The following IGF2BP2 variants were observed in gnomAD, a reference collection of about 807,000 sequenced individuals.
The protein encoded by IGF2BP2 is insulin like growth factor 2 mRNA binding protein 2.
IGF2BP2 carries 17 observed loss-of-function variants against 75.8 expected under a neutral mutation model. The ratio of observed to expected loss-of-function variants is 0.22; its 90% CI spans 0.15 to 0.34. The LOEUF is 0.34. Ranked by LOEUF, IGF2BP2 falls within the 10% of genes least tolerant of loss-of-function variation. IGF2BP2 has a pLI of 1.00. For synonymous variants in IGF2BP2, 288 were observed against 295.6 expected, an observed-to-expected ratio of 0.97 and a Z score of 0.26; for missense variants, 516 against 772.4, an observed-to-expected ratio of 0.67 and a Z score of 3.93.
chr3:185,718,054 T>C (rs1250840538), intron 2 of IGF2BP2: 2 of 152,212 alleles, frequency 1.3e-5, no homozygotes, highest in African/African-American at 4.8e-5. Context: ...TGAACCGGTG[T>C]CAGGAGTGCA....
chr3:185,792,226 A>G (rs1736735347), intron 2 of IGF2BP2, among the ~76,000 whole-genome samples: 1 of 152,188 alleles, frequency 6.6e-6, no homozygotes, highest in African/African-American at 2.4e-5. Context: ...CCGTCAAATT[A>G]TGGCCCCTCC....
chr3:185,807,614 G>T (rs1436767764), intron 2 of IGF2BP2, among the ~76,000 whole-genome samples: 1 of 152,156 alleles, frequency 6.6e-6, no homozygotes, highest in Non-Finnish European at 1.5e-5. Flanking sequence ...TCATCTCCTG[G>T]TATTCAACTT....
In IGF2BP2 at chr3:185,734,904, G is replaced by C. The variant is rs538207419; in HGVS notation, c.240-36557C>G. On this transcript the variant is annotated intron_variant, in intron 2 of 15. Coordinates refer to ENST00000382199, the MANE Select transcript of IGF2BP2 (RefSeq NM_006548.6). ...TTGGCCAATTACTCAACTCCGACGT[G>C]CCTCAATCTCCCCTCTGCAGAGTGG... 1.8e-3 allele frequency among the ~76,000 whole-genome samples: 277 copies of C among 152,134 alleles called. 1 individual carries two copies. Among genetic ancestry groups the C allele is most frequent in the African/African-American group, 6.4e-3 (264 of 41,480 alleles).
At chr3:185,786,767 A>G (rs1439363732) in intron 2 of IGF2BP2, among the ~76,000 whole-genome samples, 1 of 152,172 alleles carries the variant, frequency 6.6e-6, no homozygotes, top group African/African-American at 2.4e-5. Flanking sequence ...GGAAACCTAC[A>G]TATACATTTT....
At chr3:185,810,584 G>A (rs1334067667) in intron 2 of IGF2BP2, among the ~76,000 whole-genome samples, 7 of 152,088 alleles carry the variant, frequency 4.6e-5, no homozygotes, top group Admixed American at 1.3e-4. Context: ...GATCAGCCTG[G>A]CCAACATGGC....
At chr3:185,676,744 A>T (rs1471894549) in intron 7 of IGF2BP2, among the ~76,000 whole-genome samples, 1 of 130,398 alleles carries the variant, frequency 7.7e-6, no homozygotes, top group Admixed American at 8.1e-5. Context: ...ATATATATAT[A>T]TATTTACTGG....
At chr3:185,671,304 T>C (rs1055842434) in intron 10 of IGF2BP2, among the ~76,000 whole-genome samples, 6 of 152,010 alleles carry the variant, frequency 3.9e-5, no homozygotes, top group Non-Finnish European at 5.9e-5. Flanking sequence ...TCCCAGCACT[T>C]TGGAAGGCCG....
In IGF2BP2 at chr3:185,687,094, G is replaced by A; in HGVS notation, c.775C>T (p.Leu259Phe). The A allele has an allele frequency of 6.2e-7, 1 of 1,613,690 alleles. No homozygotes were observed. The highest frequency in any genetic ancestry group is 1.7e-5 in the Admixed American group (1 of 59,932). Residue 259 changes from leucine to phenylalanine, a missense_variant, in exon 7 of 16, where the codon CTT becomes TTT. Leu to Phe is a conservative substitution (Grantham distance 22). Around this residue, in one of 3 missense-constraint regions of IGF2BP2, gnomAD observed 312 missense variants for 474.5 expected, o/e 0.66. Coordinates refer to ENST00000382199, the MANE Select transcript of IGF2BP2 (RefSeq NM_006548.6). ...EGTSEACRMI[L>F]EIMQKEADET... ...TCTGCCTCTTTCTGCATGATTTCAA[G>A]AATCATGCGGCATGCTTCAGAAGTC...
intron 10 of IGF2BP2, among the ~76,000 whole-genome samples, chr3:185,668,925 T>C (rs1458472174): frequency 1.3e-5 from 2 of 152,126 alleles, no homozygotes; most frequent in African/African-American, 2.4e-5. Flanking sequence ...AAGTTAAAAA[T>C]AGCAAGTGAC....
intron 2 of IGF2BP2, among the ~76,000 whole-genome samples, chr3:185,779,524 A>G (rs1734939398): frequency 6.6e-6 from 1 of 152,208 alleles, no homozygotes; most frequent in Non-Finnish European, 1.5e-5. Context: ...ACACACCCAT[A>G]AAATAACTTC....
intron 2 of IGF2BP2, among the ~76,000 whole-genome samples, chr3:185,804,576 A>G (rs1738744829): frequency 6.6e-6 from 1 of 152,228 alleles, no homozygotes; most frequent in African/African-American, 2.4e-5. Flanking sequence ...CTCAGGTTAC[A>G]ATATTTAATT....
intron 2 of IGF2BP2, among the ~76,000 whole-genome samples, chr3:185,791,705 G>A (rs1334534137): frequency 1.3e-5 from 2 of 152,136 alleles, no homozygotes; most frequent in South Asian, 2.1e-4. Context: ...AGAAGACAAT[G>A]GAATACTTTG....
chr3:185,651,958 G>T (rs1044987554), intron 13 of IGF2BP2, 136 bp downstream of exon 13: 6 of 590,802 alleles, frequency 1.0e-5, no homozygotes, highest in South Asian at 2.7e-5. Context: ...GGGATGACAG[G>T]GTGAGCCTGA....
chr3:185,688,219 T>C (rs1721416317), intron 6 of IGF2BP2, among the ~76,000 whole-genome samples: 1 of 152,206 alleles, frequency 6.6e-6, no homozygotes, highest in Non-Finnish European at 1.5e-5. Flanking sequence ...CCCATGTAAA[T>C]AATTATTATG....
At chr3:185,772,973 T>C (rs1364108923) in intron 2 of IGF2BP2, among the ~76,000 whole-genome samples, 2 of 152,188 alleles carry the variant, frequency 1.3e-5, no homozygotes, top group Non-Finnish European at 2.9e-5. Flanking sequence ...ACTTCATCCC[T>C]GCTTCCCAAG....
rs1429842646 is a variant in IGF2BP2, at chr3:185,748,803, C to A, written c.240-50456G>T. The stretch of plus-strand genomic sequence containing the variant: ...GCCATTGATAACCTCAGAAATTCTA[C>A]AAGGTCCCCTTATCAGCCATTAAAA... On this transcript the variant is annotated intron_variant, in intron 2 of 15. Transcript: ENST00000382199. Among the ~76,000 whole-genome samples the A allele has an allele frequency of 5.9e-5, 9 of 152,350 alleles. No homozygotes were observed. In the South Asian group the frequency reaches 1.0e-3, roughly 18 times the overall value.
At position 185,645,967 on chromosome 3, in the gene IGF2BP2, C is replaced by T. The variant is rs1170486850; in HGVS notation, c.1708-344G>A. Among the ~76,000 whole-genome samples, 3 of 152,214 alleles carry T rather than the reference C, an allele frequency of 2.0e-5. No individual in the cohort carries two copies. In the East Asian group the frequency reaches 5.8e-4, roughly 29 times the overall value. Reference sequence around the variant, plus strand: ...CACTTGGGCTCCCGTGCTGCTCCCGCCCCCGTTCTACAGCGGCTAGGAGGG... The same window carrying T: ...CACTTGGGCTCCCGTGCTGCTCCCGTCCCCGTTCTACAGCGGCTAGGAGGG... On this transcript the variant is annotated intron_variant, in intron 15 of 15. Coordinates refer to ENST00000382199, the MANE Select transcript of IGF2BP2 (RefSeq NM_006548.6). The surrounding 1 kb of genome is among the most constrained non-coding windows in gnomAD (Gnocchi z 4.9).
At chr3:185,671,881 GA>G (rs539339962) in intron 10 of IGF2BP2, among the ~76,000 whole-genome samples, 287 of 152,222 alleles carry the variant, frequency 1.9e-3, no homozygotes, top group Non-Finnish European at 3.7e-3. Flanking sequence ...AATTAGGAAT[GA>G]AAAAAAGCTG....
At chr3:185,681,510 G>A (rs1476170851) in intron 7 of IGF2BP2, among the ~76,000 whole-genome samples, 1 of 152,240 alleles carries the variant, frequency 6.6e-6, no homozygotes, top group Admixed American at 6.5e-5. Flanking sequence ...TTATACTACC[G>A]AAAGTGATCT....
Sources: allele counts gnomAD v4.1 joint callset (sites outside exome capture counted in the v4.1 genomes callset), GRCh38; gene constraint gnomAD v4.1.1; regional missense constraint gnomAD v4.1.1; non-coding constraint Gnocchi (gnomAD v3.1); transcripts MANE v1.5; gene names NCBI Gene and HGNC (gene_info 2026-07-23, HGNC 2026-07-21).